CMSS1: variants seen among roughly 807,000 people sequenced by gnomAD.
CMSS1 encodes the protein protein CMSS1.
A neutral mutation model predicts 43.5 loss-of-function variants in CMSS1; 33 were observed. That is an observed-to-expected ratio of 0.76 (90% CI 0.57 to 1.01). The LOEUF (loss-of-function observed/expected upper bound fraction) is 1.01. Among genes scored for constraint, CMSS1 ranks in the 50% least tolerant of loss-of-function variants. CMSS1 has a pLI of 0.00. For missense variants in CMSS1, 313 were observed against 326.4 expected, an observed-to-expected ratio of 0.96 and a Z score of 0.32; for synonymous variants, 115 against 117.2, an observed-to-expected ratio of 0.98 and a Z score of 0.12.
intron 1 of CMSS1, among the ~76,000 whole-genome samples, chr3:99,966,923 T>G (rs1351926396): frequency 5.3e-5 from 8 of 152,320 alleles, no homozygotes; most frequent in Non-Finnish European, 2.9e-5. Context: ...TGAAAATAGA[T>G]GGAGTATGCC....
At chr3:100,007,011 ATTAC>A (rs1710007852) in intron 1 of CMSS1, among the ~76,000 whole-genome samples, 2 of 152,188 alleles carry the variant, frequency 1.3e-5, no homozygotes, top group Admixed American at 6.5e-5. Context: ...TAAATCTTTC[ATTAC>A]TTACTGGCTT....
chr3:99,931,044 A>G, intron 1 of CMSS1: 2 of 1,606,656 alleles, frequency 1.2e-6, no homozygotes, highest in Non-Finnish European at 1.7e-6. Flanking sequence ...GAAGGAGGGA[A>G]GAAAATTTGT....
chr3:100,005,040 T>C (rs1709949455), intron 1 of CMSS1, among the ~76,000 whole-genome samples: 1 of 152,132 alleles, frequency 6.6e-6, no homozygotes. Context: ...GGAAAAGGGG[T>C]GCCAGAATGC....
At chr3:100,127,756 ATCACTGT>A (rs2066674431) in intron 1 of CMSS1, among the ~76,000 whole-genome samples, 1 of 152,200 alleles carries the variant, frequency 6.6e-6, no homozygotes, top group Admixed American at 6.5e-5. Context: ...GACCTTGGTG[ATCACTGT>A]TCAGCCGCTG....
intron 1 of CMSS1, among the ~76,000 whole-genome samples, chr3:99,961,128 T>A (rs1708477914): frequency 6.6e-6 from 1 of 152,164 alleles, no homozygotes; most frequent in Non-Finnish European, 1.5e-5. Flanking sequence ...AAATCTAAAG[T>A]TGGAAACCAC....
chr3:99,983,460 G>GTGTATATATATATATGTATATATATATA (rs1348562068), intron 1 of CMSS1, among the ~76,000 whole-genome samples: 1 of 69,492 alleles, frequency 1.4e-5, no homozygotes, highest in Admixed American at 1.5e-4. Flanking sequence ...ATATATATAT[G>GTGTATATATATATATGTATATATATATA]TGTGTATATA....
rs555497066 is a variant in CMSS1, at chr3:100,181,407, C to T, written c.*3019C>T. 6.6e-6 allele frequency: 1 copy of T among 152,222 alleles called. No homozygotes were observed. The highest frequency in any genetic ancestry group is 1.9e-4 in the East Asian group (1 of 5,184). The allele number at this position is 152,222 out of a possible 1,614,324, so 9.4% of individuals were successfully genotyped here. On this transcript the variant is annotated 3_prime_UTR_variant, in exon 10 of 10. Coordinates refer to ENST00000421999, the MANE Select transcript of CMSS1 (RefSeq NM_032359.4). ...TCCCTGTGTTAAATTCTTGTATAAC[C>T]ATAATAGAGTTATCAAAACTAAGAA...
chr3:100,014,887 C>CTTTTTTTTTTTTTTTTTTTTTTTT (rs1559725867), intron 1 of CMSS1, among the ~76,000 whole-genome samples: 11 of 32,464 alleles, frequency 3.4e-4, no homozygotes, highest in Middle Eastern at 0.02. Flanking sequence ...TTTTTTTTTT[C>CTTTTTTTTTTTTTTTTTTTTTTTT]TTTCTTTCTT....
At chr3:100,156,533 T>A (rs1383515633) in intron 2 of CMSS1, among the ~76,000 whole-genome samples, 1 of 151,674 alleles carries the variant, frequency 6.6e-6, no homozygotes, top group Non-Finnish European at 1.5e-5. Flanking sequence ...GGTCTTGAAC[T>A]CCTGACCTCG....
At chr3:99,895,026 C>G (rs1706203396) in intron 1 of CMSS1, among the ~76,000 whole-genome samples, 1 of 152,166 alleles carries the variant, frequency 6.6e-6, no homozygotes, top group Non-Finnish European at 1.5e-5. Flanking sequence ...ATGGCAGCCT[C>G]AGGCCAACTA....
intron 1 of CMSS1, among the ~76,000 whole-genome samples, chr3:100,000,729 A>G (rs982801210): frequency 4.6e-5 from 7 of 152,316 alleles, no homozygotes; most frequent in African/African-American, 1.7e-4. Context: ...AAAAATTAAT[A>G]AAAATTCTAA....
chr3:99,979,695 C>G (rs1229074068), intron 1 of CMSS1, among the ~76,000 whole-genome samples: 1 of 152,072 alleles, frequency 6.6e-6, no homozygotes, highest in Non-Finnish European at 1.5e-5. Context: ...ATACCATTAG[C>G]TTTTTATTTT....
At chr3:99,876,097 C>T in intron 1 of CMSS1, 1 of 986,342 alleles carries the variant, frequency 1.0e-6, no homozygotes, top group Non-Finnish European at 1.2e-6. Flanking sequence ...CGGGGCCGGG[C>T]GGGGGCCGGG....
chr3:100,055,104 C>A (rs1027539414), intron 1 of CMSS1, among the ~76,000 whole-genome samples: 3 of 152,128 alleles, frequency 2.0e-5, no homozygotes, highest in African/African-American at 7.2e-5. Flanking sequence ...CAGACTCTTA[C>A]CAAAGTCCTC....
intron 1 of CMSS1, among the ~76,000 whole-genome samples, chr3:100,076,225 T>C (rs953397031): frequency 3.3e-5 from 5 of 152,250 alleles, no homozygotes; most frequent in African/African-American, 9.6e-5. Flanking sequence ...CAGTGGAGGC[T>C]TGTCTGTTTC....
In CMSS1 at chr3:100,147,031, A is replaced by C; in HGVS notation, c.123A>C (p.Pro41=). The change falls in exon 2 of 10, where the codon CCA becomes CCC. Residue 41 remains proline, a synonymous_variant. Transcript: ENST00000421999. The part of the protein sequence containing the change: ...DTEVMQQETV[P]VPVPSEKTKQ... ...AAGTGATGCAGCAGGAGACAGTTCC[A>C]GTTCCTGTACCTTCAGAGAAAACCA... 1 of 1,613,996 alleles carries C rather than the reference A, an allele frequency of 6.2e-7. No individual in the cohort carries two copies. Among genetic ancestry groups the C allele is most frequent in the Non-Finnish European group, 8.5e-7 (1 of 1,179,902 alleles).
Position 100,157,286 on chromosome 3 carries a change from T to C in CMSS1, c.154-3144T>C, listed in dbSNP as rs79252171. ...CATTTTTACAGCATCTTGTTCTTGT[T>C]TCATGGTTGCAAAATCTTCCCTTAT... On this transcript the variant is annotated intron_variant, in intron 2 of 9. Transcript: ENST00000421999. Among the ~76,000 whole-genome samples, 1,163 of 152,326 alleles carry C rather than the reference T, an allele frequency of 7.6e-3. 20 individuals carry two copies. Among genetic ancestry groups the C allele is most frequent in the African/African-American group, 0.026 (1,094 of 41,570 alleles).
chr3:99,889,947 G>T (rs1471394933), intron 1 of CMSS1, among the ~76,000 whole-genome samples: 2 of 151,860 alleles, frequency 1.3e-5, no homozygotes, highest in Non-Finnish European at 2.9e-5. Flanking sequence ...GCAATTATTG[G>T]TTTAGATATA....
intron 1 of CMSS1, among the ~76,000 whole-genome samples, chr3:99,887,717 T>C (rs1052702771): frequency 6.6e-6 from 1 of 152,224 alleles, no homozygotes; most frequent in South Asian, 2.1e-4. Flanking sequence ...TACCCAGATA[T>C]ACATATAATA....
Sources: allele counts gnomAD v4.1 joint callset (sites outside exome capture counted in the v4.1 genomes callset), GRCh38; gene constraint gnomAD v4.1.1; transcripts MANE v1.5; gene names NCBI Gene and HGNC (gene_info 2026-07-23, HGNC 2026-07-21).